The following DSCAML1 variants were observed in gnomAD, a reference collection of about 807,000 sequenced individuals.
The protein encoded by DSCAML1 is DS cell adhesion molecule like 1.
A neutral mutation model predicts 200.5 loss-of-function variants in DSCAML1; 38 were observed. The observed-to-expected ratio is 0.19, with a 90% CI of 0.15 to 0.25. DSCAML1 has a LOEUF of 0.25. Ranked by LOEUF, DSCAML1 falls within the 10% of genes least tolerant of loss-of-function variation. The pLI, the probability that DSCAML1 is intolerant of heterozygous loss-of-function variation, is 1.00. For missense variants in DSCAML1, 2,223 were observed against 2,858.8 expected (o/e 0.78, Z 5.07); for synonymous variants, 1,215 against 1,165.0 (o/e 1.04, Z -0.87).
Position 117,640,821 on chromosome 11 carries a change from G to A in DSCAML1, c.512-108299C>T, listed in dbSNP as rs746034013. 7.9e-5 allele frequency among the ~76,000 whole-genome samples: 12 copies of A among 152,252 alleles called. No individual in the cohort carries two copies. The East Asian group carries it at 1.5e-3, about 20-fold the overall frequency. Reference sequence around the variant, plus strand: ...CATCCTCAGTTTCCCCTGGCACAGCGTGGGGCACAGACTTGCAACTCACTG... The same window carrying A: ...CATCCTCAGTTTCCCCTGGCACAGCATGGGGCACAGACTTGCAACTCACTG... On this transcript the variant is annotated intron_variant, in intron 3 of 32. Coordinates refer to ENST00000651296, the MANE Select transcript of DSCAML1 (RefSeq NM_020693.4).
At chr11:117,460,714 G>C (rs978854146) in intron 18 of DSCAML1, among the ~76,000 whole-genome samples, 3 of 152,086 alleles carry the variant, frequency 2.0e-5, no homozygotes, top group Non-Finnish European at 4.4e-5. Context: ...TCAAAAGTTT[G>C]GGCCATCTTA....
intron 3 of DSCAML1, among the ~76,000 whole-genome samples, chr11:117,693,473 G>A (rs1204692683): frequency 6.6e-6 from 1 of 152,134 alleles, no homozygotes; most frequent in Admixed American, 6.6e-5. Flanking sequence ...TGAATGGGCA[G>A]GGTCAAGGAT....
rs948630805 is a variant in DSCAML1, at chr11:117,480,353, A to G, written c.2785+90T>C. 116 of 1,557,256 alleles carry G rather than the reference A, an allele frequency of 7.4e-5. No individual in the cohort carries two copies. The highest frequency in any genetic ancestry group is 3.4e-4 in the Middle Eastern group (2 of 5,824). ...GCTTGGATGGGCAGCCCTAAGGCTC[A>G]GGGGCTCTCCTCCCAGAGGGCACAG... is the stretch of plus-strand genomic sequence containing the variant. On this transcript the variant is annotated intron_variant, in intron 14 of 32. Coordinates refer to ENST00000651296, the MANE Select transcript of DSCAML1 (RefSeq NM_020693.4). The surrounding 1 kb of genome is among the most constrained non-coding windows in gnomAD (Gnocchi z 4.1).
At chr11:117,587,561 A>G (rs890219027) in intron 3 of DSCAML1, among the ~76,000 whole-genome samples, 18 of 152,268 alleles carry the variant, frequency 1.2e-4, no homozygotes, top group Admixed American at 2.6e-4. Context: ...GACTGCCCAG[A>G]AGAGATGAGT....
intron 3 of DSCAML1, among the ~76,000 whole-genome samples, chr11:117,756,592 T>A (rs2054698436): frequency 6.6e-6 from 1 of 152,292 alleles, no homozygotes; most frequent in East Asian, 1.9e-4. Flanking sequence ...GAGGCTATCC[T>A]ATTGCTATCT....
At chr11:117,598,049 T>C (rs1184482416) in intron 3 of DSCAML1, among the ~76,000 whole-genome samples, 1 of 152,192 alleles carries the variant, frequency 6.6e-6, no homozygotes, top group African/African-American at 2.4e-5. Flanking sequence ...TATTTATTGG[T>C]CATTTAATTG....
intron 3 of DSCAML1, among the ~76,000 whole-genome samples, chr11:117,584,175 A>G (rs2051098628): frequency 6.6e-6 from 1 of 152,086 alleles, no homozygotes; most frequent in Non-Finnish European, 1.5e-5. Context: ...TGACTGACTC[A>G]TGCTTGCCTC....
At chr11:117,486,449 A>AATGGCGGATG (rs2049065894) in intron 11 of DSCAML1, among the ~76,000 whole-genome samples, 11 of 149,478 alleles carry the variant, frequency 7.4e-5, no homozygotes, top group African/African-American at 2.7e-4. Context: ...AGTGGCAGAT[A>AATGGCGGATG]TGAAAGTAGC....
chr11:117,752,201 G>T (rs892024095), intron 3 of DSCAML1, among the ~76,000 whole-genome samples: 2 of 152,188 alleles, frequency 1.3e-5, no homozygotes, highest in Non-Finnish European at 2.9e-5. Context: ...GAAGCCTCAG[G>T]GAACTGAACT....
At chr11:117,746,811 C>T (rs929068915) in intron 3 of DSCAML1, among the ~76,000 whole-genome samples, 9 of 152,200 alleles carry the variant, frequency 5.9e-5, no homozygotes, top group African/African-American at 1.4e-4. Context: ...TCCCACTCTT[C>T]GCCTGAGAAA....
In DSCAML1 at chr11:117,518,881, T is replaced by C; in HGVS notation, c.1214-119A>G. ...CAGCCATAAGAGCAAACAAGAACTT[T>C]TGTGTACATCAATTCTTCTGCTATC... is the stretch of plus-strand genomic sequence containing the variant. On this transcript the variant is annotated intron_variant, in intron 6 of 32. Coordinates refer to ENST00000651296, the MANE Select transcript of DSCAML1 (RefSeq NM_020693.4). The surrounding 1 kb of genome is among the most constrained non-coding windows in gnomAD (Gnocchi z 6.3). The C allele has an allele frequency of 1.8e-6, 2 of 1,132,462 alleles. No individual in the cohort carries two copies. Among genetic ancestry groups the C allele is most frequent in the Non-Finnish European group, 1.2e-6 (1 of 819,920 alleles). The allele number at this position is 1,132,462 out of a possible 1,614,324, so 70.2% of individuals were successfully genotyped here.
chr11:117,481,250 C>A lies in DSCAML1; in HGVS notation c.2580G>T (p.Gly860=). ...CATGGCAGCTGAAGAACACAGAGTC[C>A]CCACGGTCAGCGGGCTTGAGCTGGG... ...STLKLKPADR[G]DSVFFSCHAI... The change falls in exon 13 of 33, where the codon GGG becomes GGT. Residue 860 remains glycine, a synonymous_variant. Transcript: ENST00000651296. 1 of 1,613,790 alleles carries A rather than the reference C, an allele frequency of 6.2e-7. No homozygotes were observed. The highest frequency in any genetic ancestry group is 8.5e-7 in the Non-Finnish European group (1 of 1,179,978).
intron 3 of DSCAML1, among the ~76,000 whole-genome samples, chr11:117,718,601 T>C (rs530768304): frequency 4.0e-5 from 6 of 148,762 alleles, no homozygotes; most frequent in African/African-American, 1.5e-4. Flanking sequence ...TTCAGGAAGG[T>C]GTATGACCAA....
At chr11:117,481,072 A>G (rs2048905275) in intron 13 of DSCAML1, 102 bp downstream of exon 13, 7 of 1,135,276 alleles carry the variant, frequency 6.2e-6, no homozygotes, top group African/African-American at 1.5e-5. Flanking sequence ...GTCATCCTCC[A>G]CCATGGCGTA....
intron 3 of DSCAML1, among the ~76,000 whole-genome samples, chr11:117,727,843 C>G (rs1021261490): frequency 1.3e-5 from 2 of 152,172 alleles, no homozygotes; most frequent in African/African-American, 4.8e-5. Flanking sequence ...ATATCTGAGC[C>G]AAGCGTAAAA....
intron 3 of DSCAML1, among the ~76,000 whole-genome samples, chr11:117,720,471 C>A (rs2054024513): frequency 6.6e-6 from 1 of 152,230 alleles, no homozygotes; most frequent in Non-Finnish European, 1.5e-5. Flanking sequence ...GCCTCCCGGC[C>A]TTTGGAGCTG....
At chr11:117,558,434 G>A (rs2050599087) in intron 3 of DSCAML1, among the ~76,000 whole-genome samples, 1 of 152,166 alleles carries the variant, frequency 6.6e-6, no homozygotes, top group Admixed American at 6.5e-5. Context: ...AGCCACCCAA[G>A]GAAGTTGGAG....
intron 1 of DSCAML1, among the ~76,000 whole-genome samples, chr11:117,786,964 A>G (rs7122817): frequency 0.46 from 70,289 of 151,900 alleles, 16,495 homozygotes; most frequent in Non-Finnish European, 0.51. Context: ...AATGGTCAGG[A>G]CCAACCGGCC....
intron 3 of DSCAML1, among the ~76,000 whole-genome samples, chr11:117,598,870 C>T (rs902732916): frequency 6.6e-6 from 1 of 152,160 alleles, no homozygotes. Flanking sequence ...CTGACTATCC[C>T]ATTCTGGAGC....
Sources: gnomAD v4.1 joint callset for allele counts (sites outside exome capture counted in the v4.1 genomes callset) on GRCh38, gnomAD v4.1.1 for gene constraint, Gnocchi (gnomAD v3.1) non-coding constraint, MANE v1.5 for transcripts, NCBI Gene and HGNC (gene_info 2026-07-23, HGNC 2026-07-21) for gene names.